Variants in ATL1 observed in about 807,000 individuals in gnomAD.
ATL1 encodes the protein atlastin GTPase 1, also known as atlastin-1.
ATL1 carries 31 observed loss-of-function variants against 75.5 expected under a neutral mutation model. The ratio of observed to expected loss-of-function variants is 0.41; its 90% confidence interval spans 0.31 to 0.55. The LOEUF is 0.55. Among genes scored for constraint, ATL1 ranks in the 20% least tolerant of loss-of-function variants. The pLI is 0.27. For missense variants in ATL1, 405 were observed against 662.6 expected, an observed-to-expected ratio of 0.61 and a Z score of 4.27; for synonymous variants, 226 against 233.3, an observed-to-expected ratio of 0.97 and a Z score of 0.28.
chr14:50,572,885 G>T (rs1040324686), intron 1 of ATL1, among the ~76,000 whole-genome samples: 32 of 152,270 alleles, frequency 2.1e-4, no homozygotes, highest in African/African-American at 7.5e-4. Flanking sequence ...AATGAAAGAG[G>T]TTTAATTGAC....
intron 12 of ATL1, 62 bp downstream of exon 12, chr14:50,628,524 G>A: frequency 1.3e-6 from 2 of 1,515,482 alleles, no homozygotes; most frequent in South Asian, 1.2e-5. Flanking sequence ...CCATGTGCCA[G>A]CCACTGCATT....
intron 8 of ATL1, among the ~76,000 whole-genome samples, chr14:50,618,326 A>G (rs538656975): frequency 5.4e-4 from 82 of 152,354 alleles, no homozygotes; most frequent in African/African-American, 1.9e-3. Flanking sequence ...ACGTGGTAAC[A>G]TAAATACAAA....
At chr14:50,628,501 A>G in intron 12 of ATL1, 39 bp downstream of exon 12, 1 of 1,592,040 alleles carries the variant, frequency 6.3e-7, no homozygotes, top group Non-Finnish European at 8.6e-7. Context: ...TTCAGCACAC[A>G]TTTGAATGTC....
intron 1 of ATL1, among the ~76,000 whole-genome samples, chr14:50,545,237 G>A (rs1254321516): frequency 6.6e-6 from 1 of 152,224 alleles, no homozygotes; most frequent in Non-Finnish European, 1.5e-5. Flanking sequence ...TGCTGCTCAG[G>A]AGCGCCCTGT....
At chr14:50,623,286 A>G in intron 11 of ATL1, 38 bp downstream of exon 11, 1 of 1,511,518 alleles carries the variant, frequency 6.6e-7, no homozygotes, top group Non-Finnish European at 9.2e-7. Context: ...CTTAAACAAA[A>G]CCAGTATCCT....
chr14:50,622,450 G>A (rs930036954), intron 10 of ATL1, among the ~76,000 whole-genome samples: 1 of 152,028 alleles, frequency 6.6e-6, no homozygotes, highest in Non-Finnish European at 1.5e-5. Flanking sequence ...GGCAGACCAC[G>A]AGGTCAAGAG....
At chr14:50,569,412 C>A (rs1047812727) in intron 1 of ATL1, among the ~76,000 whole-genome samples, 2 of 139,302 alleles carry the variant, frequency 1.4e-5, no homozygotes, top group Non-Finnish European at 3.2e-5. Flanking sequence ...GAGAAAGACT[C>A]TGTCTCAAAA....
chr14:50,536,532 G>A (rs773644687), intron 1 of ATL1, among the ~76,000 whole-genome samples: 3 of 152,166 alleles, frequency 2.0e-5, no homozygotes, highest in Non-Finnish European at 2.9e-5. Context: ...TGGGTAACAG[G>A]CAGAGGTTGG....
intron 12 of ATL1, chr14:50,628,730 G>C: frequency 2.0e-6 from 1 of 507,246 alleles, no homozygotes; most frequent in South Asian, 1.8e-5. Context: ...TTCTTTTTTT[G>C]GGTAGGGGGG....
At chr14:50,592,254 G>T (rs1187354902) in intron 4 of ATL1, among the ~76,000 whole-genome samples, 1 of 151,988 alleles carries the variant, frequency 6.6e-6, no homozygotes, top group Non-Finnish European at 1.5e-5. Context: ...TAGCATAAAA[G>T]ATTTTAAGAC....
intron 1 of ATL1, among the ~76,000 whole-genome samples, chr14:50,575,166 A>T (rs1299479318): frequency 6.6e-6 from 1 of 151,682 alleles, no homozygotes; most frequent in Non-Finnish European, 1.5e-5. Context: ...ACACACACAC[A>T]TACACACACA....
At chr14:50,558,767 A>G (rs995801962), upstream of ATL1, among the ~76,000 whole-genome samples, 1 of 152,172 alleles carries the variant, frequency 6.6e-6, no homozygotes, top group East Asian at 1.9e-4. Context: ...AGCAGACCAC[A>G]CTTCTCTTTT....
At chr14:50,611,461 T>C (rs1047013067) in intron 6 of ATL1, among the ~76,000 whole-genome samples, 1 of 152,184 alleles carries the variant, frequency 6.6e-6, no homozygotes, top group African/African-American at 2.4e-5. Context: ...CTTTTGGTTT[T>C]ATTTCAAAGT....
At chr14:50,556,645 C>A (rs78028778), upstream of ATL1, among the ~76,000 whole-genome samples, 5,287 of 152,278 alleles carry the variant, frequency 0.035, 95 homozygotes, top group Middle Eastern at 0.058. Flanking sequence ...TTCTCCCCAA[C>A]CTCCCACTCC....
chr14:50,575,050 GCTAT>G (rs1380354521), intron 1 of ATL1, among the ~76,000 whole-genome samples: 11 of 145,758 alleles, frequency 7.5e-5, no homozygotes, highest in East Asian at 2.0e-4. Context: ...ATTTAGGAAG[GCTAT>G]CTATTTTAAT....
intron 1 of ATL1, among the ~76,000 whole-genome samples, chr14:50,537,233 G>C (rs1009078094): frequency 2.0e-5 from 3 of 152,360 alleles, no homozygotes; most frequent in Admixed American, 6.5e-5. Context: ...TGGCTTCAGA[G>C]GGTGCAAGCC....
chr14:50,555,679 C>T (rs1406994032), upstream of ATL1, among the ~76,000 whole-genome samples: 3 of 152,046 alleles, frequency 2.0e-5, no homozygotes, highest in Non-Finnish European at 4.4e-5. Context: ...TTATTTCAGC[C>T]GTTGTAATTT....
chr14:50,612,359 C>T (rs772253740), intron 6 of ATL1, among the ~76,000 whole-genome samples: 2 of 152,026 alleles, frequency 1.3e-5, no homozygotes, highest in Non-Finnish European at 2.9e-5. Context: ...TGTGAAAATT[C>T]ATTAAGTTAT....
intron 6 of ATL1, among the ~76,000 whole-genome samples, chr14:50,598,276 A>G (rs561038749): frequency 1.3e-5 from 2 of 152,326 alleles, no homozygotes; most frequent in African/African-American, 4.8e-5. Flanking sequence ...TGAAATTACA[A>G]TAGGATTTTT....
Sources: gnomAD v4.1 joint callset for allele counts (sites outside exome capture counted in the v4.1 genomes callset) on GRCh38, gnomAD v4.1.1 for gene constraint, MANE v1.5 for transcripts, NCBI Gene and HGNC (gene_info 2026-07-23, HGNC 2026-07-21) for gene names.